Variants in PAPOLA observed in about 807,000 individuals in gnomAD.
PAPOLA encodes polynucleotide adenylyltransferase alpha.
A neutral mutation model predicts 100.6 loss-of-function variants in PAPOLA; 15 were observed. The observed-to-expected ratio is 0.15, with a 90% CI of 0.10 to 0.23. PAPOLA has a LOEUF of 0.23. Ranked by LOEUF, PAPOLA falls within the 10% of genes least tolerant of loss-of-function variation. PAPOLA has a pLI of 1.00. For synonymous variants in PAPOLA, 293 were observed against 300.0 expected, an observed-to-expected ratio of 0.98 and a Z score of 0.24; for missense variants, 533 against 884.2, an observed-to-expected ratio of 0.60 and a Z score of 5.04.
chr14:96,555,265 G>A (rs567171624), intron 17 of PAPOLA, among the ~76,000 whole-genome samples: 2 of 139,440 alleles, frequency 1.4e-5, no homozygotes, highest in South Asian at 2.2e-4. Context: ...TTGTAGAGAC[G>A]AGGGCTCACT....
chr14:96,520,353 T>C, intron 2 of PAPOLA, 125 bp downstream of exon 2: 3 of 709,892 alleles, frequency 4.2e-6, no homozygotes, highest in Non-Finnish European at 6.7e-6. Flanking sequence ...TATATCTGTT[T>C]TGGAGAAGAG....
At chr14:96,539,509 T>C (rs1020902970) in intron 12 of PAPOLA, among the ~76,000 whole-genome samples, 1 of 152,160 alleles carries the variant, frequency 6.6e-6, no homozygotes, top group East Asian at 1.9e-4. Flanking sequence ...GCACTTTGCA[T>C]AAATTCTAAT....
At chr14:96,535,655 T>C (rs1899459547) in intron 10 of PAPOLA, 2 of 966,882 alleles carry the variant, frequency 2.1e-6, no homozygotes, top group Non-Finnish European at 2.6e-6. Flanking sequence ...TCTAGTAAGG[T>C]TGCCAAAATC....
At chr14:96,524,634 C>G (rs1898305654) in intron 3 of PAPOLA, among the ~76,000 whole-genome samples, 1 of 152,112 alleles carries the variant, frequency 6.6e-6, no homozygotes, top group African/African-American at 2.4e-5. Context: ...AATCCTCCCA[C>G]CTTAGCCACC....
At chr14:96,557,737 T>C (rs185989912) in intron 19 of PAPOLA, among the ~76,000 whole-genome samples, 3 of 151,428 alleles carry the variant, frequency 2.0e-5, no homozygotes, top group African/African-American at 7.3e-5. Context: ...CTCTGAAGAC[T>C]TTTTCTTTCT....
At chr14:96,505,754 T>C (rs1798520956) in intron 1 of PAPOLA, among the ~76,000 whole-genome samples, 1 of 152,142 alleles carries the variant, frequency 6.6e-6, no homozygotes, top group Non-Finnish European at 1.5e-5. Flanking sequence ...TATTTTCATG[T>C]TATTGAGATG....
chr14:96,554,305 G>A (rs1007919585), intron 17 of PAPOLA, among the ~76,000 whole-genome samples: 4 of 152,184 alleles, frequency 2.6e-5, no homozygotes, highest in African/African-American at 9.7e-5. Context: ...GTTGTTCTCT[G>A]GCCAACTATC....
chr14:96,520,058 A>C lies in PAPOLA; in HGVS notation c.12A>C (p.Pro4=). The C allele has an allele frequency of 6.2e-7, 1 of 1,604,340 alleles. No homozygotes were observed. Among genetic ancestry groups the C allele is most frequent in the Non-Finnish European group, 8.5e-7 (1 of 1,176,582 alleles). MPF[P]VTTQGSQQTQ... ...TTGTATCCAATTTTGTTTATAGTCC[A>C]GTTACAACACAGGGATCACAACAAA... The change falls in exon 2 of 22, where the codon CCA becomes CCC. Residue 4 remains proline (P), a synonymous_variant. Coordinates refer to ENST00000216277, the MANE Select transcript of PAPOLA (RefSeq NM_032632.5).
intron 1 of PAPOLA, 60 bp downstream of exon 1, chr14:96,502,660 GA>G: frequency 6.5e-7 from 1 of 1,546,738 alleles, no homozygotes. Context: ...GGGCGTCCGG[GA>G]AGGGGAAGAG....
chr14:96,533,203 A>G (rs984406583), intron 9 of PAPOLA: 1 of 982,738 alleles, frequency 1.0e-6, no homozygotes, highest in African/African-American at 1.7e-5. Flanking sequence ...TCATTTCCAC[A>G]TATGTCAACT....
intron 1 of PAPOLA, among the ~76,000 whole-genome samples, chr14:96,518,855 G>T (rs574649639): frequency 1.2e-4 from 18 of 151,744 alleles, no homozygotes; most frequent in African/African-American, 4.3e-4. Context: ...TCAGGAGTTC[G>T]AGAGCAGCCT....
intron 13 of PAPOLA, 162 bp from the exon 14 acceptor site, chr14:96,542,612 G>T: frequency 1.6e-6 from 1 of 634,180 alleles, no homozygotes; most frequent in Non-Finnish European, 2.6e-6. Context: ...AGTGTTTCTT[G>T]GCTCTTTTTT....
intron 1 of PAPOLA, among the ~76,000 whole-genome samples, chr14:96,507,521 T>C (rs1237547904): frequency 2.6e-5 from 4 of 152,074 alleles, no homozygotes; most frequent in Admixed American, 6.6e-5. Flanking sequence ...GTGATCCGCC[T>C]GCCTCGGCCT....
chr14:96,544,141 C>T lies in PAPOLA; in HGVS notation c.1290-8C>T. On this transcript the variant is annotated splice_region_variant and splice_polypyrimidine_tract_variant and intron_variant, in intron 14 of 21. Transcript: ENST00000216277. ...CCAGATAAACTATGGTAATGCTCTT[C>T]TTTGCAGGGAAGAATTTCGCACGAT... The T allele has an allele frequency of 6.7e-7, 1 of 1,487,156 alleles. No homozygotes were observed. Among genetic ancestry groups the T allele is most frequent in the Non-Finnish European group, 9.4e-7 (1 of 1,066,956 alleles). 92.1% of individuals were successfully genotyped at this position (1,487,156 alleles called of 1,614,324 possible).
chr14:96,543,542 ATTC>A (rs1900161786), intron 14 of PAPOLA, among the ~76,000 whole-genome samples: 1 of 151,906 alleles, frequency 6.6e-6, no homozygotes, highest in East Asian at 1.9e-4. Flanking sequence ...GTTATACAGT[ATTC>A]TTATTGATTA....
At chr14:96,559,397 G>A (rs762271935) in intron 19 of PAPOLA, among the ~76,000 whole-genome samples, 2 of 151,942 alleles carry the variant, frequency 1.3e-5, no homozygotes, top group African/African-American at 2.4e-5. Flanking sequence ...ATGCACTAAC[G>A]TGTATATAGA....
chr14:96,504,581 A>C (rs1896580983), intron 1 of PAPOLA: 1 of 152,322 alleles, frequency 6.6e-6, no homozygotes, highest in African/African-American at 2.4e-5. Flanking sequence ...CATGCCTGTA[A>C]TCCCAGCTAC....
At position 96,562,837 on chromosome 14, in the gene PAPOLA, A is replaced by C. The variant is rs1372924374; in HGVS notation, c.2086A>C (p.Thr696Pro). ...TEAKEQLDTE[T>P]STTQSETIQT... ...CTCACAGGAACAACTTGATACAGAG[A>C]CAAGTACAACTCAATCAGAAACTAT... The change falls in exon 21 of 22, where the codon ACA becomes CCA. Residue 696 changes from threonine (T) to proline (P), a missense_variant. Physicochemically the swap from Thr to Pro is conservative, Grantham distance 38. Around this residue, in one of 9 missense-constraint regions of PAPOLA, gnomAD observed 242 missense variants for 281.0 expected, o/e 0.86. Coordinates refer to ENST00000216277, the MANE Select transcript of PAPOLA (RefSeq NM_032632.5). 6.2e-7 allele frequency: 1 copy of C among 1,610,546 alleles called. No homozygotes were observed. The highest frequency in any genetic ancestry group is 2.2e-5 in the East Asian group (1 of 44,818).
At chr14:96,536,121 T>C (rs1372019294) in intron 11 of PAPOLA, 122 bp downstream of exon 11, 2 of 675,040 alleles carry the variant, frequency 3.0e-6, no homozygotes, top group East Asian at 3.1e-5. Flanking sequence ...TTGGTGTTCA[T>C]TTATTTATTA....
Sources: allele counts gnomAD v4.1 joint callset (sites outside exome capture counted in the v4.1 genomes callset), GRCh38; gene constraint gnomAD v4.1.1; regional missense constraint gnomAD v4.1.1; transcripts MANE v1.5; gene names NCBI Gene and HGNC (gene_info 2026-07-23, HGNC 2026-07-21).